Variants in PTPRM observed in about 807,000 individuals in gnomAD.
The protein encoded by PTPRM is receptor-type tyrosine-protein phosphatase mu.
In PTPRM, 47 loss-of-function variants were observed where a neutral mutation model predicts 186.7. That is an observed-to-expected ratio of 0.25 (90% CI 0.20 to 0.32). The LOEUF (loss-of-function observed/expected upper bound fraction) is 0.32. Among genes scored for constraint, PTPRM ranks in the 10% least tolerant of loss-of-function variants. PTPRM has a pLI of 1.00. For missense variants in PTPRM, 1,494 were observed against 1,865.0 expected (o/e 0.80, Z 3.66); for synonymous variants, 668 against 674.9 (o/e 0.99, Z 0.16).
intron 14 of PTPRM, among the ~76,000 whole-genome samples, chr18:8,206,528 G>A (rs978826940): frequency 5.3e-5 from 8 of 152,080 alleles, no homozygotes; most frequent in African/African-American, 1.7e-4. Flanking sequence ...GATTACAGTC[G>A]TGAACCACCG....
At chr18:8,096,694 G>T (rs941127189) in intron 11 of PTPRM, among the ~76,000 whole-genome samples, 11 of 152,234 alleles carry the variant, frequency 7.2e-5, no homozygotes, top group African/African-American at 2.4e-4. Flanking sequence ...GGAACCCTTG[G>T]GTCTTCTTAA....
chr18:8,204,716 C>A (rs1399460246), intron 14 of PTPRM, among the ~76,000 whole-genome samples: 1 of 151,440 alleles, frequency 6.6e-6, no homozygotes, highest in East Asian at 1.9e-4. Context: ...AAAATGACTG[C>A]ATTGAGAGCC....
chr18:8,368,573 C>G (rs2095646119), intron 23 of PTPRM, among the ~76,000 whole-genome samples: 1 of 152,144 alleles, frequency 6.6e-6, no homozygotes, highest in Non-Finnish European at 1.5e-5. Flanking sequence ...GTCTTGCCAA[C>G]TAAAGGTAAT....
chr18:8,182,812 A>G (rs1257941276), intron 14 of PTPRM, among the ~76,000 whole-genome samples: 1 of 152,202 alleles, frequency 6.6e-6, no homozygotes, highest in East Asian at 1.9e-4. Context: ...GAAAAAAGTA[A>G]AATAATCTAT....
chr18:7,886,528 C>CTAT (rs1316618247), intron 2 of PTPRM, among the ~76,000 whole-genome samples: 1 of 152,096 alleles, frequency 6.6e-6, no homozygotes, highest in African/African-American at 2.4e-5. Flanking sequence ...AAAATAGCTA[C>CTAT]TATAATTTCC....
chr18:7,781,617 A>G (rs1398454492), intron 2 of PTPRM, among the ~76,000 whole-genome samples: 1 of 152,048 alleles, frequency 6.6e-6, no homozygotes, highest in Non-Finnish European at 1.5e-5. Context: ...CATTCCCCCC[A>G]AGCAGTCCCC....
At chr18:8,392,188 A>G (rs897759152) in intron 31 of PTPRM, among the ~76,000 whole-genome samples, 2 of 151,280 alleles carry the variant, frequency 1.3e-5, no homozygotes. Flanking sequence ...TGTAAGAAAC[A>G]ATCTGAGAGT....
At chr18:8,330,840 A>G (rs1342856659) in intron 22 of PTPRM, among the ~76,000 whole-genome samples, 2 of 152,142 alleles carry the variant, frequency 1.3e-5, no homozygotes, top group African/African-American at 2.4e-5. Flanking sequence ...CCGAGGCCAC[A>G]GCACTTTCTC....
chr18:8,388,515 C>A (rs1379240004), intron 31 of PTPRM, among the ~76,000 whole-genome samples: 1 of 152,218 alleles, frequency 6.6e-6, no homozygotes, highest in African/African-American at 2.4e-5. Flanking sequence ...CTGCAGGAAA[C>A]TGATATTCCT....
chr18:8,083,513 G>A (rs377194801), intron 9 of PTPRM, among the ~76,000 whole-genome samples: 3 of 152,208 alleles, frequency 2.0e-5, no homozygotes, highest in African/African-American at 4.8e-5. Context: ...AAGTGGCTGT[G>A]TAATAACCTC....
At chr18:8,192,292 G>C (rs1412212729) in intron 14 of PTPRM, among the ~76,000 whole-genome samples, 1 of 152,144 alleles carries the variant, frequency 6.6e-6, no homozygotes, top group South Asian at 2.1e-4. Context: ...GTAGCAGTGA[G>C]CATGTATTAC....
intron 4 of PTPRM, among the ~76,000 whole-genome samples, chr18:7,919,235 T>C (rs2050728581): frequency 6.6e-6 from 1 of 152,146 alleles, no homozygotes. Context: ...ATATGATGCC[T>C]CCAGCTTTTT....
Position 8,138,523 on chromosome 18 carries a change from C to T in PTPRM, c.2168-5124C>T, listed in dbSNP as rs561142957. Among the ~76,000 whole-genome samples the T allele has an allele frequency of 1.2e-4, 18 of 152,246 alleles. No homozygotes were observed. In the South Asian group the frequency reaches 3.7e-3, roughly 32 times the overall value. ...CTTTTTGGCCTGAGATTTCTCACAC[C>T]TCCGTTCTGGTCCTCAGTCTCCCCT... On this transcript the variant is annotated intron_variant, in intron 13 of 32. Coordinates refer to ENST00000580170, the MANE Select transcript of PTPRM (RefSeq NM_001105244.2).
intron 18 of PTPRM, 44 bp downstream of exon 18, chr18:8,252,543 G>A: frequency 1.3e-6 from 2 of 1,521,972 alleles, no homozygotes; most frequent in Non-Finnish European, 1.8e-6. Context: ...TGGAGGGAGT[G>A]GGAGTGTGTG....
At chr18:8,346,247 TAACCA>T (rs1476269578) in intron 23 of PTPRM, among the ~76,000 whole-genome samples, 1 of 152,154 alleles carries the variant, frequency 6.6e-6, no homozygotes, top group Non-Finnish European at 1.5e-5. Flanking sequence ...TGGGCTGCCA[TAACCA>T]AATGCCACAA....
intron 20 of PTPRM, among the ~76,000 whole-genome samples, chr18:8,312,017 G>A (rs2095272364): frequency 6.6e-6 from 1 of 152,174 alleles, no homozygotes; most frequent in African/African-American, 2.4e-5. Context: ...AGATTGCAAG[G>A]TTCTAATTCG....
At chr18:7,633,733 G>A (rs1177434463) in intron 1 of PTPRM, among the ~76,000 whole-genome samples, 1 of 152,144 alleles carries the variant, frequency 6.6e-6, no homozygotes, top group Non-Finnish European at 1.5e-5. Flanking sequence ...GGAAAGGACA[G>A]CATCTTTTGT....
intron 5 of PTPRM, among the ~76,000 whole-genome samples, chr18:7,935,096 A>G (rs1386819049): frequency 6.6e-6 from 1 of 152,210 alleles, no homozygotes; most frequent in Non-Finnish European, 1.5e-5. Context: ...AAAAGCCACA[A>G]AATGATATGA....
At chr18:7,625,171 A>AT (rs1316376992) in intron 1 of PTPRM, among the ~76,000 whole-genome samples, 1 of 152,220 alleles carries the variant, frequency 6.6e-6, no homozygotes, top group East Asian at 1.9e-4. Context: ...AAGAAAACAT[A>AT]AAGGTCTTTT....
Sources: allele counts gnomAD v4.1 joint callset (sites outside exome capture counted in the v4.1 genomes callset), GRCh38; gene constraint gnomAD v4.1.1; transcripts MANE v1.5; gene names NCBI Gene and HGNC (gene_info 2026-07-23, HGNC 2026-07-21).